Variants in C3orf52 observed in about 807,000 individuals in gnomAD.
The protein encoded by C3orf52 is TPA-induced transmembrane protein.
Under a neutral mutation model 24.8 loss-of-function variants are expected in C3orf52, and 22 were observed. That is an observed-to-expected ratio of 0.89 (90% CI 0.63 to 1.27). The LOEUF is 1.27. Among genes scored for constraint, C3orf52 ranks in the 50% most tolerant of loss-of-function variants. The probability of loss-of-function intolerance (pLI) is 0.00; values close to 1 mark genes in which losing one functional copy is unlikely to be tolerated. For synonymous variants in C3orf52, 93 were observed against 100.2 expected, an observed-to-expected ratio of 0.93 and a Z score of 0.43; for missense variants, 265 against 260.7, an observed-to-expected ratio of 1.02 and a Z score of -0.11.
intron 1 of C3orf52, among the ~76,000 whole-genome samples, chr3:112,088,403 G>C (rs1255509259): frequency 6.6e-6 from 1 of 152,250 alleles, no homozygotes; most frequent in Admixed American, 6.5e-5. Context: ...AAATGTAGCT[G>C]AAGTCCATGT....
At chr3:112,127,968 T>A in intron 4 of C3orf52, 3 of 1,548,682 alleles carry the variant, frequency 1.9e-6, no homozygotes, top group Non-Finnish European at 2.7e-6. Flanking sequence ...AAATACCACA[T>A]TGAAACCACA....
intron 1 of C3orf52, among the ~76,000 whole-genome samples, chr3:112,092,014 G>A (rs1009562535): frequency 5.1e-4 from 74 of 144,300 alleles, no homozygotes; most frequent in Middle Eastern, 7.2e-3. Context: ...AAGAAAAAAA[G>A]AAAAAAAAAA....
At chr3:112,086,599 A>G in intron 1 of C3orf52, 54 bp downstream of exon 1, 1 of 1,516,560 alleles carries the variant, frequency 6.6e-7, no homozygotes, top group Non-Finnish European at 8.9e-7. Flanking sequence ...CAGTAGTAGG[A>G]CCCGGGCCTG....
At chr3:112,131,689 G>GA (rs548679760), downstream of C3orf52, among the ~76,000 whole-genome samples, 175 of 152,000 alleles carry the variant, frequency 1.2e-3, no homozygotes, top group African/African-American at 3.8e-3. Flanking sequence ...CAACTATTTG[G>GA]AAAAAAATTT....
At chr3:112,094,265 G>A (rs1346900978) in intron 2 of C3orf52, among the ~76,000 whole-genome samples, 1 of 152,164 alleles carries the variant, frequency 6.6e-6, no homozygotes, top group Non-Finnish European at 1.5e-5. Context: ...AAATTGCTGG[G>A]ATTAGAGGCA....
At chr3:112,129,474 C>A (rs1164451046), downstream of C3orf52, 1 of 152,236 alleles carries the variant, frequency 6.6e-6, no homozygotes, top group African/African-American at 2.4e-5. Flanking sequence ...GTTCAGATAG[C>A]CTCCAAGAAG....
downstream of C3orf52, chr3:112,128,952 T>C (rs2074390940): frequency 6.6e-6 from 1 of 152,256 alleles, no homozygotes; most frequent in African/African-American, 2.4e-5. Context: ...CCGTGAGCTT[T>C]CCCATGAAGT....
At chr3:112,109,841 C>T (rs889776617) in intron 4 of C3orf52, 7 of 411,566 alleles carry the variant, frequency 1.7e-5, no homozygotes, top group Non-Finnish European at 3.1e-5. Context: ...ATAATTCAAC[C>T]AGGGTCACAC....
intron 2 of C3orf52, among the ~76,000 whole-genome samples, chr3:112,096,588 A>C (rs2073929133): frequency 6.6e-6 from 1 of 152,206 alleles, no homozygotes; most frequent in South Asian, 2.1e-4. Context: ...TGAAATAATA[A>C]CTAAGACGGA....
intron 4 of C3orf52, among the ~76,000 whole-genome samples, chr3:112,111,033 A>C (rs1249856533): frequency 1.3e-5 from 2 of 152,172 alleles, no homozygotes; most frequent in African/African-American, 4.8e-5. Context: ...ACATGGTGAA[A>C]CCCCATGTCT....
At chr3:112,132,493 T>C (rs2074480312), downstream of C3orf52, 1 of 219,940 alleles carries the variant, frequency 4.5e-6, no homozygotes, top group Non-Finnish European at 7.7e-6. Flanking sequence ...CCCTACTTTA[T>C]GTCAGGCACT....
At chr3:112,127,097 G>A in intron 4 of C3orf52, 1 of 1,078,102 alleles carries the variant, frequency 9.3e-7, no homozygotes. Flanking sequence ...AATGACACAA[G>A]CCTACAAAAC....
At chr3:112,094,152 G>A (rs752693573) in intron 2 of C3orf52, among the ~76,000 whole-genome samples, 1 of 152,096 alleles carries the variant, frequency 6.6e-6, no homozygotes, top group Non-Finnish European at 1.5e-5. Flanking sequence ...GTGCCACCAC[G>A]CCCAGCTAAT....
chr3:112,129,402 C>T (rs1191378101), downstream of C3orf52: 1 of 152,194 alleles, frequency 6.6e-6, no homozygotes, highest in Non-Finnish European at 1.5e-5. Context: ...GGCTGTTTCT[C>T]CTACTTGACT....
rs373316353 is a variant in C3orf52 at position 112,112,977 on chromosome 3, A to G, written c.481A>G (p.Thr161Ala). 1.5e-4 allele frequency: 238 copies of G among 1,606,722 alleles called. No homozygotes were observed. The highest frequency in any genetic ancestry group is 1.8e-4 in the Non-Finnish European group (207 of 1,176,470). The change falls in exon 5 of 6, where the codon ACA becomes GCA. Residue 161 changes from threonine to alanine, a missense_variant. Thr to Ala is a moderately conservative substitution (Grantham distance 58, BLOSUM62 0). Coordinates refer to ENST00000264848, the MANE Select transcript of C3orf52 (RefSeq NM_024616.3). ...EIVDFSGENA[T>A]VTYDLQFGVP... ...ATTGCCTTTCAGTGGTGAAAATGCCACAGTAACGTATGACCTGCAATTTGG... is the reference window on the plus strand; with the variant it reads ...ATTGCCTTTCAGTGGTGAAAATGCCGCAGTAACGTATGACCTGCAATTTGG...
At chr3:112,086,644 G>A (rs2073829576) in intron 1 of C3orf52, 99 bp downstream of exon 1, 4 of 1,421,960 alleles carry the variant, frequency 2.8e-6, no homozygotes, top group Non-Finnish European at 3.8e-6. Context: ...GTCAGGCGGG[G>A]CGTCGACGGC....
chr3:112,096,875 T>C (rs1283919290), intron 2 of C3orf52, among the ~76,000 whole-genome samples: 2 of 152,248 alleles, frequency 1.3e-5, no homozygotes, highest in Non-Finnish European at 2.9e-5. Context: ...TACTCTTCCC[T>C]TGTATGCCAT....
intron 2 of C3orf52, among the ~76,000 whole-genome samples, chr3:112,101,033 C>G (rs1171160465): frequency 6.6e-6 from 1 of 152,070 alleles, no homozygotes; most frequent in African/African-American, 2.4e-5. Flanking sequence ...CTGCACTTTG[C>G]AAAATTTTTT....
chr3:112,119,158 A>G (rs1375045234), downstream of C3orf52, among the ~76,000 whole-genome samples: 1 of 152,120 alleles, frequency 6.6e-6, no homozygotes, highest in Non-Finnish European at 1.5e-5. Context: ...CGAGGCAGGC[A>G]GATCACCTGA....
Sources: gnomAD v4.1 joint callset for allele counts (sites outside exome capture counted in the v4.1 genomes callset) on GRCh38, gnomAD v4.1.1 for gene constraint, MANE v1.5 for transcripts, NCBI Gene and HGNC (gene_info 2026-07-23, HGNC 2026-07-21) for gene names.